Variants in AGBL1 observed in about 807,000 individuals in gnomAD.
AGBL1 encodes cytosolic carboxypeptidase 4.
A neutral mutation model predicts 118.9 loss-of-function variants in AGBL1; 130 were observed. That is an observed-to-expected ratio of 1.09 (90% CI 0.95 to 1.26). The LOEUF (loss-of-function observed/expected upper bound fraction) is 1.26, where lower values mean the gene tolerates loss of function less well. AGBL1 is among the 50% of genes most tolerant of loss of function. The pLI, the probability that AGBL1 is intolerant of heterozygous loss-of-function variation, is 0.00. For synonymous variants in AGBL1, 555 were observed against 478.9 expected (o/e 1.16, Z -2.08); for missense variants, 1,584 against 1,298.1 (o/e 1.22, Z -3.38).
At chr15:86,885,426 A>C (rs1488949247) in intron 22 of AGBL1, among the ~76,000 whole-genome samples, 1 of 152,208 alleles carries the variant, frequency 6.6e-6, no homozygotes, top group Non-Finnish European at 1.5e-5. Flanking sequence ...ATGGGAGTCC[A>C]TTCTAAATAC....
chr15:86,172,838 G>T (rs1025095785), intron 5 of AGBL1, among the ~76,000 whole-genome samples: 1 of 152,114 alleles, frequency 6.6e-6, no homozygotes, highest in African/African-American at 2.4e-5. Flanking sequence ...TTAATATACT[G>T]ATTTCCTTTC....
intron 24 of AGBL1, among the ~76,000 whole-genome samples, chr15:87,023,208 A>C (rs2081686714): frequency 6.6e-6 from 1 of 152,096 alleles, no homozygotes; most frequent in Non-Finnish European, 1.5e-5. Flanking sequence ...AGAATTCACC[A>C]ATGAACTATC....
intron 22 of AGBL1, among the ~76,000 whole-genome samples, chr15:86,859,473 C>G (rs1267238052): frequency 6.6e-6 from 1 of 152,106 alleles, no homozygotes; most frequent in Non-Finnish European, 1.5e-5. Context: ...GGCCTTTAAC[C>G]CTCTTCCCCT....
chr15:86,340,401 G>A (rs908838020), intron 17 of AGBL1, among the ~76,000 whole-genome samples: 7 of 152,182 alleles, frequency 4.6e-5, no homozygotes, highest in Middle Eastern at 3.4e-3. Context: ...AGTCATCCTA[G>A]GTTTAGTGTG....
intron 24 of AGBL1, among the ~76,000 whole-genome samples, chr15:87,018,300 A>T (rs778117988): frequency 6.6e-6 from 1 of 152,100 alleles, no homozygotes; most frequent in Non-Finnish European, 1.5e-5. Context: ...GATCAACCCC[A>T]AGAAACATAA....
intron 22 of AGBL1, among the ~76,000 whole-genome samples, chr15:86,725,152 T>C (rs1222924181): frequency 1.3e-5 from 2 of 152,212 alleles, no homozygotes; most frequent in African/African-American, 2.4e-5. Flanking sequence ...GAATAAATAA[T>C]AGCTATTATT....
intron 23 of AGBL1, among the ~76,000 whole-genome samples, chr15:86,956,869 T>G (rs955554): frequency 1.3e-5 from 2 of 152,056 alleles, no homozygotes; most frequent in African/African-American, 4.8e-5. Flanking sequence ...GGAATAACAA[T>G]TAATATTTAC....
At chr15:86,255,050 C>T (rs747964169) in intron 7 of AGBL1, among the ~76,000 whole-genome samples, 7 of 152,136 alleles carry the variant, frequency 4.6e-5, no homozygotes, top group Middle Eastern at 3.4e-3. Flanking sequence ...ATTCCACCAA[C>T]AAAAAAGACA....
At chr15:86,208,595 G>C (rs991891172) in intron 5 of AGBL1, among the ~76,000 whole-genome samples, 1 of 152,136 alleles carries the variant, frequency 6.6e-6, no homozygotes, top group Non-Finnish European at 1.5e-5. Flanking sequence ...AGATTTTCTA[G>C]TTTATTTGTG....
chr15:86,538,315 G>T (rs2083452667), intron 19 of AGBL1, among the ~76,000 whole-genome samples: 2 of 152,200 alleles, frequency 1.3e-5, no homozygotes, highest in African/African-American at 4.8e-5. Context: ...GGTGGTTTTA[G>T]GAATAAATTC....
At chr15:86,108,621 A>G (rs964661719) in intron 1 of AGBL1, among the ~76,000 whole-genome samples, 1 of 152,158 alleles carries the variant, frequency 6.6e-6, no homozygotes, top group Non-Finnish European at 1.5e-5. Flanking sequence ...AATTGAGGTC[A>G]AGAGAGATGA....
Position 86,827,426 on chromosome 15 carries a change from TATAC to T in AGBL1, c.3159-79659_3159-79656del, listed in dbSNP as rs1166993809. Among the ~76,000 whole-genome samples the T allele has an allele frequency of 2.8e-3, 26 of 9,246 alleles. 3 individuals carry two copies. Among genetic ancestry groups the T allele is most frequent in the Admixed American group, 6.8e-3 (3 of 444 alleles). The allele number at this position is 9,246 out of a possible 152,430, so 6.1% of individuals were successfully genotyped here. On this transcript the variant is annotated intron_variant, in intron 22 of 22. Transcript: ENST00000614907. ...ATATATATGTGTATATATATATATA[TATAC>T]ACATATATATATGTGTGTGTATATA...
chr15:86,179,649 C>G (rs115387863), intron 5 of AGBL1, among the ~76,000 whole-genome samples: 4,677 of 152,176 alleles, frequency 0.031, 218 homozygotes, highest in African/African-American at 0.11. Context: ...AGAAAAAAAA[C>G]TAGACTGTCT....
chr15:86,149,303 G>A (rs1373706313), intron 3 of AGBL1, among the ~76,000 whole-genome samples: 1 of 152,132 alleles, frequency 6.6e-6, no homozygotes, highest in Non-Finnish European at 1.5e-5. Flanking sequence ...TAAATGGGCT[G>A]AATGCTCCAA....
chr15:86,845,066 T>C (rs1291391867), intron 22 of AGBL1, among the ~76,000 whole-genome samples: 1 of 152,156 alleles, frequency 6.6e-6, no homozygotes, highest in African/African-American at 2.4e-5. Context: ...CTGTCTTAAT[T>C]ACTGTAGATT....
intron 18 of AGBL1, among the ~76,000 whole-genome samples, chr15:86,519,360 C>T (rs2083158864): frequency 6.6e-6 from 1 of 152,146 alleles, no homozygotes; most frequent in African/African-American, 2.4e-5. Context: ...CATAGCTGTC[C>T]ATCTGCTAAT....
rs912674296 is a variant in AGBL1 at position 86,615,365 on chromosome 15, A to G, written c.2995-58908A>G. Among the ~76,000 whole-genome samples, 8 of 152,196 alleles carry G rather than the reference A, an allele frequency of 5.3e-5. No individual in the cohort carries two copies. The highest frequency in any genetic ancestry group is 1.2e-4 in the Non-Finnish European group (8 of 68,028). ...ATGGGAACACATCTGAGAGCTCTTC[A>G]GGAGTAGGTTTGATGCAGGTGGTGT... On this transcript the variant is annotated intron_variant, in intron 21 of 22. Coordinates refer to ENST00000614907, the MANE Select transcript of AGBL1 (RefSeq NM_001386094.1). The surrounding 1 kb of genome is among the most constrained non-coding windows in gnomAD (Gnocchi z 4.3).
At chr15:86,384,866 GAGAA>G (rs2081161264) in intron 17 of AGBL1, among the ~76,000 whole-genome samples, 1 of 152,194 alleles carries the variant, frequency 6.6e-6, no homozygotes. Flanking sequence ...ATAGTTTTGT[GAGAA>G]AGAAGGCAGC....
At chr15:86,778,777 A>G (rs763309308) in intron 22 of AGBL1, among the ~76,000 whole-genome samples, 1 of 152,164 alleles carries the variant, frequency 6.6e-6, no homozygotes, top group Non-Finnish European at 1.5e-5. Context: ...GGCAACATAC[A>G]TCCTCCTCAG....
Sources: gnomAD v4.1 joint callset for allele counts (sites outside exome capture counted in the v4.1 genomes callset) on GRCh38, gnomAD v4.1.1 for gene constraint, Gnocchi (gnomAD v3.1) non-coding constraint, MANE v1.5 for transcripts, NCBI Gene and HGNC (gene_info 2026-07-23, HGNC 2026-07-21) for gene names.